SCNN1A: variants seen among roughly 807,000 people sequenced by gnomAD.
SCNN1A encodes the protein epithelial sodium channel subunit alpha.
In SCNN1A, 65 loss-of-function variants were observed where a neutral mutation model predicts 68.6. That is an observed-to-expected ratio of 0.95 (90% CI 0.78 to 1.16). The LOEUF is 1.16. Ranked by LOEUF, SCNN1A falls within the 50% of genes most tolerant of loss-of-function variation. The pLI, the probability that SCNN1A is intolerant of heterozygous loss-of-function variation, is 0.00. For synonymous variants in SCNN1A, 357 were observed against 353.3 expected (o/e 1.01, Z -0.12); for missense variants, 880 against 865.9 (o/e 1.02, Z -0.20).
chr12:6,368,343 C>A (rs1048910024), intron 2 of SCNN1A, among the ~76,000 whole-genome samples: 1 of 152,188 alleles, frequency 6.6e-6, no homozygotes, highest in African/African-American at 2.4e-5. Context: ...ATTGGTTACA[C>A]CCCCGGCGTT....
chr12:6,357,676 A>C (rs532796556), intron 4 of SCNN1A, among the ~76,000 whole-genome samples: 43 of 152,314 alleles, frequency 2.8e-4, no homozygotes, highest in South Asian at 1.5e-3. Context: ...ATAGTGGCCT[A>C]TGAGAATCAG....
At chr12:6,375,754 G>A, upstream of SCNN1A, 1 of 1,410,386 alleles carries the variant, frequency 7.1e-7, no homozygotes, top group African/African-American at 1.5e-5. Flanking sequence ...CTGGGGGACA[G>A]GATGGCAGGT....
At chr12:6,353,066 A>G (rs1349390190) in intron 8 of SCNN1A, among the ~76,000 whole-genome samples, 1 of 151,978 alleles carries the variant, frequency 6.6e-6, no homozygotes, top group Non-Finnish European at 1.5e-5. Context: ...CAGCTTACAT[A>G]TTTTCTTTTT....
intron 4 of SCNN1A, among the ~76,000 whole-genome samples, chr12:6,358,927 T>C (rs1948540436): frequency 6.6e-6 from 1 of 151,110 alleles, no homozygotes; most frequent in African/African-American, 2.4e-5. Flanking sequence ...AAAAATGAAG[T>C]TCTGATCCAT....
At position 6,374,403 on chromosome 12, in the gene SCNN1A, G is replaced by T. The variant is rs1460264228; in HGVS notation, c.381C>A (p.Phe127Leu). Residue 127 changes from phenylalanine to leucine, a missense_variant, in exon 2 of 13, where the codon TTC (phenylalanine) becomes TTA (leucine). Transcript: ENST00000228916. The surrounding 1 kb of genome is among the most constrained non-coding windows in gnomAD (Gnocchi z 6.2). The part of the protein sequence containing the change: ...NINLNSDKLV[F>L]PAVTICTLNP... ...TGAGGGTGCAGATGGTCACTGCGGG[G>T]AAGACGAGCTTGTCCGAGTTGAGGT... 1 of 1,614,236 alleles carries T rather than the reference G, an allele frequency of 6.2e-7. No homozygotes were observed. Among genetic ancestry groups the T allele is most frequent in the East Asian group, 2.2e-5 (1 of 44,892 alleles).
At chr12:6,373,187 C>T (rs962703262) in intron 2 of SCNN1A, among the ~76,000 whole-genome samples, 15 of 151,966 alleles carry the variant, frequency 9.9e-5, no homozygotes, top group Admixed American at 2.6e-4. Flanking sequence ...TAGTCCGTAA[C>T]GCACCTTTGG....
intron 2 of SCNN1A, among the ~76,000 whole-genome samples, chr12:6,367,075 A>C (rs915949832): frequency 6.6e-6 from 1 of 152,160 alleles, no homozygotes; most frequent in Non-Finnish European, 1.5e-5. Context: ...TTGTATCTAC[A>C]AAAAATACAA....
Position 6,351,959 on chromosome 12 carries a change from C to T in SCNN1A, c.1360+2479G>A, listed in dbSNP as rs1250991451. On this transcript the variant is annotated intron_variant, in intron 8 of 12. Coordinates refer to ENST00000228916, the MANE Select transcript of SCNN1A (RefSeq NM_001038.6). The surrounding 1 kb of genome is among the most constrained non-coding windows in gnomAD (Gnocchi z 4.2). ...AAAGACAGGGTTTCGCCACGTTGCC[C>T]AGGCTGGTGTCGAAATCCTGGGCTC... 6.6e-6 allele frequency among the ~76,000 whole-genome samples: 1 copy of T among 152,078 alleles called. No individual in the cohort carries two copies. Among genetic ancestry groups the T allele is most frequent in the Admixed American group, 6.6e-5 (1 of 15,258 alleles).
intron 8 of SCNN1A, 114 bp from the exon 9 acceptor site, chr12:6,349,519 A>C: frequency 1.3e-6 from 1 of 754,118 alleles, no homozygotes; most frequent in Admixed American, 2.0e-5. Context: ...ATTATTTAGC[A>C]TTATAATGAT....
intron 2 of SCNN1A, among the ~76,000 whole-genome samples, chr12:6,368,389 C>G (rs1304503123): frequency 6.6e-6 from 1 of 152,178 alleles, no homozygotes; most frequent in Non-Finnish European, 1.5e-5. Flanking sequence ...AGTGGGCTGC[C>G]TTTCATTGGC....
At chr12:6,349,131 A>C in intron 10 of SCNN1A, 33 bp downstream of exon 10, 1 of 1,609,940 alleles carries the variant, frequency 6.2e-7, no homozygotes. Context: ...ATGGGCACAC[A>C]CATCCCCCAC....
At position 6,347,952 on chromosome 12, in the gene SCNN1A, T is replaced by C. The variant is rs1310091605; in HGVS notation, c.1931A>G (p.Tyr644Cys). Residue 644 changes from tyrosine (Y) to cysteine (C), a missense_variant, in exon 13 of 13, where the codon TAT (tyrosine) becomes TGT (cysteine). By Grantham distance (194) the Tyr-to-Cys change is radical (BLOSUM62 -2). Transcript: ENST00000228916. Reference protein sequence around the residue: ...SPALTAPPPAYATLGPRPSPG... With the variant: ...SPALTAPPPACATLGPRPSPG... The stretch of plus-strand genomic sequence containing the variant: ...AGATGGGCGGGGGCCCAGGGTGGCA[T>C]AGGCAGGGGGAGGGGCTGTCAAGGC... 3.2e-6 allele frequency: 5 copies of C among 1,572,098 alleles called. No homozygotes were observed. Among genetic ancestry groups the C allele is most frequent in the East Asian group, 2.3e-5 (1 of 43,232 alleles).
Position 6,372,066 on chromosome 12 carries a change from C to T in SCNN1A, c.416+2302G>A, listed in dbSNP as rs924748269. Among the ~76,000 whole-genome samples, 1 of 152,184 alleles carries T rather than the reference C, an allele frequency of 6.6e-6. No individual in the cohort carries two copies. Among genetic ancestry groups the T allele is most frequent in the Non-Finnish European group, 1.5e-5 (1 of 68,038 alleles). The stretch of plus-strand genomic sequence containing the variant: ...GCTCTTTTAAACAACCTTGTTTGAG[C>T]TCCATCCCAGATCCCTCAATGCCTG... On this transcript the variant is annotated intron_variant, in intron 2 of 12. Coordinates refer to ENST00000228916, the MANE Select transcript of SCNN1A (RefSeq NM_001038.6). This position sits in a 1 kb window ranked among gnomAD's most constrained non-coding sequence, Gnocchi z 5.8.
At position 6,374,979 on chromosome 12, in the gene SCNN1A, A is replaced by G; in HGVS notation, c.-54-142T>C. ...TGCCCATGTCCCACCCTGCGCCCAC[A>G]TTCTCCCACTCCTCCCTCCCTCCTC... On this transcript the variant is annotated intron_variant, in intron 1 of 12. Coordinates refer to ENST00000228916, the MANE Select transcript of SCNN1A (RefSeq NM_001038.6). The surrounding 1 kb of genome is among the most constrained non-coding windows in gnomAD (Gnocchi z 6.2). 6.4e-7 allele frequency: 1 copy of G among 1,555,498 alleles called. No homozygotes were observed.
chr12:6,348,000 T>TG lies in SCNN1A; in HGVS notation c.1882dup (p.Gln628ProfsTer103). ...GGCTGGAGAGGGAGCAGGGCCTGGC[T>TG]GGGACAAGGACAGAGACATGGGGTG... On this transcript the variant is annotated frameshift_variant, in exon 13 of 13. Transcript: ENST00000228916. LOFTEE classifies it low-confidence loss of function (END_TRUNC). 1 of 1,583,330 alleles carries TG rather than the reference T, an allele frequency of 6.3e-7. No homozygotes were observed. The highest frequency in any genetic ancestry group is 1.1e-5 in the South Asian group (1 of 88,250).
chr12:6,353,505 A>T (rs553145312), intron 8 of SCNN1A, among the ~76,000 whole-genome samples: 1 of 152,258 alleles, frequency 6.6e-6, no homozygotes, highest in African/African-American at 2.4e-5. Flanking sequence ...CTTAGGAGCC[A>T]TTGAGGAACC....
chr12:6,357,000 T>C (rs1017891181), intron 4 of SCNN1A, among the ~76,000 whole-genome samples: 15 of 152,132 alleles, frequency 9.9e-5, no homozygotes, highest in Admixed American at 2.0e-4. Flanking sequence ...AACTAGGTGA[T>C]CCGGGATATT....
At chr12:6,361,349 T>A (rs1343892316) in intron 4 of SCNN1A, among the ~76,000 whole-genome samples, 1 of 152,204 alleles carries the variant, frequency 6.6e-6, no homozygotes, top group Non-Finnish European at 1.5e-5. Flanking sequence ...TCCACCTCAC[T>A]ACTACTGCCA....
intron 2 of SCNN1A, among the ~76,000 whole-genome samples, chr12:6,370,439 T>C (rs544016068): frequency 6.6e-6 from 1 of 152,238 alleles, no homozygotes; most frequent in South Asian, 2.1e-4. Context: ...CCTGGGAGAC[T>C]TGGAGGCTGA....
Sources: gnomAD v4.1 joint callset for allele counts (sites outside exome capture counted in the v4.1 genomes callset) on GRCh38, gnomAD v4.1.1 for gene constraint, Gnocchi (gnomAD v3.1) non-coding constraint, MANE v1.5 for transcripts, NCBI Gene and HGNC (gene_info 2026-07-23, HGNC 2026-07-21) for gene names.